Variants in LRRC4C observed in about 807,000 individuals in gnomAD.
LRRC4C encodes leucine-rich repeat-containing protein 4C.
Under a neutral mutation model 33.6 loss-of-function variants are expected in LRRC4C, and 5 were observed. The observed-to-expected ratio is 0.15, with a 90% CI of 0.08 to 0.31. The LOEUF (loss-of-function observed/expected upper bound fraction) is 0.31. Among genes scored for constraint, LRRC4C ranks in the 10% least tolerant of loss-of-function variants. The pLI is 1.00. For synonymous variants in LRRC4C, 329 were observed against 302.0 expected, an observed-to-expected ratio of 1.09 and a Z score of -0.93; for missense variants, 560 against 796.7, an observed-to-expected ratio of 0.70 and a Z score of 3.58.
At chr11:40,899,253 G>A (rs1400739912) in intron 2 of LRRC4C, among the ~76,000 whole-genome samples, 3 of 152,076 alleles carry the variant, frequency 2.0e-5, no homozygotes, top group African/African-American at 7.2e-5. Context: ...GTGCATCTAC[G>A]ATGCATTTCT....
chr11:40,256,856 G>A (rs1407927343), intron 4 of LRRC4C, among the ~76,000 whole-genome samples: 1 of 152,154 alleles, frequency 6.6e-6, no homozygotes, highest in Non-Finnish European at 1.5e-5. Flanking sequence ...TTCTTTAGAT[G>A]AGAGCTTTAG....
At chr11:40,205,394 A>G (rs1863070241) in intron 5 of LRRC4C, among the ~76,000 whole-genome samples, 1 of 152,206 alleles carries the variant, frequency 6.6e-6, no homozygotes, top group Non-Finnish European at 1.5e-5. Context: ...GGGAAAGGAT[A>G]CCAAGACTTG....
chr11:41,150,529 C>T (rs757287653), intron 1 of LRRC4C, among the ~76,000 whole-genome samples: 5 of 152,012 alleles, frequency 3.3e-5, no homozygotes, highest in Non-Finnish European at 5.9e-5. Context: ...CGGTGGCTCA[C>T]GCCTGTAATC....
At chr11:40,414,633 T>G (rs763601288) in intron 3 of LRRC4C, among the ~76,000 whole-genome samples, 3 of 152,132 alleles carry the variant, frequency 2.0e-5, no homozygotes, top group Non-Finnish European at 4.4e-5. Context: ...AAATGAACTG[T>G]TCTTTTTCTT....
intron 1 of LRRC4C, among the ~76,000 whole-genome samples, chr11:41,062,803 A>G (rs1049661562): frequency 6.6e-6 from 1 of 152,218 alleles, no homozygotes; most frequent in Non-Finnish European, 1.5e-5. Context: ...CCTTAAAAGA[A>G]GACACAACAG....
chr11:40,206,907 A>T (rs1342843772), intron 5 of LRRC4C, among the ~76,000 whole-genome samples: 2 of 152,170 alleles, frequency 1.3e-5, no homozygotes, highest in Non-Finnish European at 2.9e-5. Flanking sequence ...TATAGGCAAT[A>T]GATAAGAGGC....
intron 1 of LRRC4C, among the ~76,000 whole-genome samples, chr11:41,231,689 C>T (rs1947804193): frequency 6.6e-6 from 1 of 151,768 alleles, no homozygotes; most frequent in Non-Finnish European, 1.5e-5. Flanking sequence ...GGGTGCAGCA[C>T]ACCAACATGG....
intron 1 of LRRC4C, among the ~76,000 whole-genome samples, chr11:41,273,034 T>A (rs1266403356): frequency 6.6e-6 from 1 of 152,196 alleles, no homozygotes; most frequent in Non-Finnish European, 1.5e-5. Context: ...AAATGTTTGG[T>A]GTCATATAGC....
chr11:40,334,867 A>G (rs943540194), intron 3 of LRRC4C, among the ~76,000 whole-genome samples: 17 of 152,298 alleles, frequency 1.1e-4, no homozygotes, highest in African/African-American at 4.1e-4. Flanking sequence ...GAACAAAACC[A>G]TATAGGATAA....
chr11:41,264,210 G>C (rs1287194428), intron 1 of LRRC4C, among the ~76,000 whole-genome samples: 1 of 151,390 alleles, frequency 6.6e-6, no homozygotes, highest in Non-Finnish European at 1.5e-5. Context: ...TCCTGCCTTA[G>C]CCTTCTGAGT....
chr11:40,513,645 G>A (rs2135160347), intron 3 of LRRC4C, among the ~76,000 whole-genome samples: 1 of 152,286 alleles, frequency 6.6e-6, no homozygotes, highest in Non-Finnish European at 1.5e-5. Context: ...GATGCAGTGT[G>A]GAGAGTGGAT....
At chr11:40,392,007 T>A (rs1008778450) in intron 3 of LRRC4C, among the ~76,000 whole-genome samples, 14 of 152,098 alleles carry the variant, frequency 9.2e-5, no homozygotes, top group Non-Finnish European at 5.9e-5. Flanking sequence ...CATGGATAAA[T>A]CTTAAATGCA....
intron 3 of LRRC4C, among the ~76,000 whole-genome samples, chr11:40,488,790 T>G: frequency 6.6e-6 from 1 of 152,152 alleles, no homozygotes; most frequent in East Asian, 1.9e-4. Flanking sequence ...TAGAGCTTTC[T>G]ATCTGCTTCC....
chr11:41,037,456 T>A (rs1273064850), intron 1 of LRRC4C, among the ~76,000 whole-genome samples: 1 of 151,984 alleles, frequency 6.6e-6, no homozygotes, highest in Non-Finnish European at 1.5e-5. Flanking sequence ...CCTCCTGCCT[T>A]GGCCTCCCAA....
At chr11:40,948,992 AG>A (rs1190015063) in intron 1 of LRRC4C, among the ~76,000 whole-genome samples, 1 of 152,086 alleles carries the variant, frequency 6.6e-6, no homozygotes, top group African/African-American at 2.4e-5. Flanking sequence ...CAACAGTGTA[AG>A]AGTGTTCCTA....
At chr11:41,381,471 C>CA (rs2137893093) in intron 1 of LRRC4C, among the ~76,000 whole-genome samples, 1 of 151,626 alleles carries the variant, frequency 6.6e-6, no homozygotes, top group East Asian at 2.0e-4. Context: ...ACTAAAAATA[C>CA]AAAAAATAAG....
chr11:40,899,367 G>C (rs896142626), intron 2 of LRRC4C, among the ~76,000 whole-genome samples: 1 of 152,108 alleles, frequency 6.6e-6, no homozygotes. Flanking sequence ...GTGACCCTTC[G>C]TGTCCATCTT....
chr11:41,034,229 G>A (rs1482438638), intron 1 of LRRC4C, among the ~76,000 whole-genome samples: 1 of 151,708 alleles, frequency 6.6e-6, no homozygotes, highest in Non-Finnish European at 1.5e-5. Context: ...AGCTCTCCCT[G>A]GCCAACTTGC....
intron 4 of LRRC4C, among the ~76,000 whole-genome samples, chr11:40,267,109 G>A (rs1421263896): frequency 6.6e-6 from 1 of 151,970 alleles, no homozygotes; most frequent in Admixed American, 6.6e-5. Flanking sequence ...TGGAGAACTG[G>A]TTCTCTCTTA....
Sources: gnomAD v4.1 joint callset for allele counts (sites outside exome capture counted in the v4.1 genomes callset) on GRCh38, gnomAD v4.1.1 for gene constraint, MANE v1.5 for transcripts, NCBI Gene and HGNC (gene_info 2026-07-23, HGNC 2026-07-21) for gene names.